Variants in CHORDC1 observed in about 807,000 individuals in gnomAD.
CHORDC1 encodes the protein cysteine and histidine rich domain containing 1, also known as cysteine and histidine-rich domain-containing protein 1.
CHORDC1 carries 25 observed loss-of-function variants against 48.3 expected under a neutral mutation model. The ratio of observed to expected loss-of-function variants is 0.52; its 90% CI spans 0.38 to 0.72. The LOEUF is 0.72. Among genes scored for constraint, CHORDC1 ranks in the 30% least tolerant of loss-of-function variants. The pLI, the probability that CHORDC1 is intolerant of heterozygous loss-of-function variation, is 0.00. For synonymous variants in CHORDC1, 128 were observed against 126.4 expected (o/e 1.01, Z -0.09); for missense variants, 317 against 388.7 (o/e 0.82, Z 1.55).
intron 3 of CHORDC1, among the ~76,000 whole-genome samples, chr11:90,214,641 T>G (rs1314352260): frequency 6.6e-6 from 1 of 152,056 alleles, no homozygotes; most frequent in Non-Finnish European, 1.5e-5. Context: ...CTGAGAGAGT[T>G]AAATAATAAA....
chr11:90,202,353 C>T lies in CHORDC1; in HGVS notation c.*52G>A, dbSNP rs2135023313. ...ATTACAGCAGCAAGCCACCACTTCA[C>T]ACAGTATTAAAAATTCGGAAATAAT... On this transcript the variant is annotated 3_prime_UTR_variant, in exon 11 of 11. Coordinates refer to ENST00000320585, the MANE Select transcript of CHORDC1 (RefSeq NM_012124.3). 1.9e-6 allele frequency: 3 copies of T among 1,538,622 alleles called. No individual in the cohort carries two copies. Among genetic ancestry groups the T allele is most frequent in the South Asian group, 1.1e-5 (1 of 88,044 alleles).
chr11:90,215,276 A>G, intron 2 of CHORDC1, 46 bp from the exon 3 acceptor site: 1 of 1,313,148 alleles, frequency 7.6e-7, no homozygotes, highest in Non-Finnish European at 1.1e-6. Flanking sequence ...TTTGCATGAG[A>G]AACACGACCC....
rs34095734 is a variant in CHORDC1 at position 90,200,646 on chromosome 11, ATG to A, written c.*1757_*1758del. Among the ~76,000 whole-genome samples the A allele has an allele frequency of 1.6e-4, 24 of 150,632 alleles. No homozygotes were observed. Among genetic ancestry groups the A allele is most frequent in the East Asian group, 1.2e-3 (6 of 5,126 alleles). ...GACTAAATATAAAAGCTACATATGT[ATG>A]TGTGTGTGTGTGTGTATAAATCAAT... On this transcript the variant is annotated 3_prime_UTR_variant, in exon 11 of 11. Transcript: ENST00000320585.
chr11:90,213,394 A>G (rs527685410), intron 4 of CHORDC1: 1 of 697,130 alleles, frequency 1.4e-6, no homozygotes, highest in East Asian at 2.7e-5. Flanking sequence ...AAAACAATTT[A>G]GTACTCAAGT....
chr11:90,209,502 A>G (rs1266360439), intron 6 of CHORDC1: 1 of 152,242 alleles, frequency 6.6e-6, no homozygotes, highest in Non-Finnish European at 1.5e-5. Flanking sequence ...AAGATACAAC[A>G]AAGAAAAAAA....
intron 4 of CHORDC1, 159 bp from the exon 5 acceptor site, chr11:90,211,477 A>C (rs1356538208): frequency 2.1e-5 from 12 of 560,816 alleles, no homozygotes. Context: ...TAATTGTTAC[A>C]ATGTATCTAC....
intron 2 of CHORDC1, among the ~76,000 whole-genome samples, chr11:90,216,752 A>G (rs987893382): frequency 6.6e-6 from 1 of 152,190 alleles, no homozygotes; most frequent in Non-Finnish European, 1.5e-5. Context: ...GAGGCAGACT[A>G]CTTTTGGAAT....
chr11:90,211,194 TA>T lies in CHORDC1; in HGVS notation c.433+20del. 6.8e-7 allele frequency: 1 copy of T among 1,460,580 alleles called. No individual in the cohort carries two copies. The highest frequency in any genetic ancestry group is 9.6e-7 in the Non-Finnish European group (1 of 1,046,424). 90.5% of individuals were successfully genotyped at this position (1,460,580 alleles called of 1,614,324 possible). ...AACTGTACCAGAAAATAATTAACAA[TA>T]AAACAAAATAAAATCTTACCTTTCT... On this transcript the variant is annotated intron_variant, in intron 5 of 10. Coordinates refer to ENST00000320585, the MANE Select transcript of CHORDC1 (RefSeq NM_012124.3).
intron 1 of CHORDC1, chr11:90,222,582 G>T (rs1304283364): frequency 1.2e-5 from 7 of 601,864 alleles, no homozygotes; most frequent in Non-Finnish European, 2.2e-5. Flanking sequence ...AAACGTGTTC[G>T]TTCTAAATTC....
In CHORDC1 at chr11:90,219,485, G is replaced by A. The variant is rs536046407; in HGVS notation, c.65-1301C>T. Among the ~76,000 whole-genome samples the A allele has an allele frequency of 1.8e-4, 28 of 152,220 alleles. 1 individual carries two copies. Among genetic ancestry groups the A allele is most frequent in the African/African-American group, 6.0e-4 (25 of 41,562 alleles). On this transcript the variant is annotated intron_variant, in intron 1 of 10. Coordinates refer to ENST00000320585, the MANE Select transcript of CHORDC1 (RefSeq NM_012124.3). ...ATCTCTGCAGCACTGTGACATGCTC[G>A]TGACGGCTTTGATGCCCAGGCTAGA...
intron 1 of CHORDC1, chr11:90,222,462 T>A: frequency 2.7e-6 from 1 of 365,550 alleles, no homozygotes; most frequent in South Asian, 2.0e-5. Context: ...CCCGGCCACC[T>A]CTCCCTCTCG....
In CHORDC1 at chr11:90,214,227, A is replaced by T. The variant is rs768609984; in HGVS notation, c.172-52T>A. 3 of 1,316,460 alleles carry T rather than the reference A, an allele frequency of 2.3e-6. No individual in the cohort carries two copies. In the East Asian group the frequency reaches 7.5e-5, roughly 33 times the overall value. The allele number at this position is 1,316,460 out of a possible 1,614,324, so 81.5% of individuals were successfully genotyped here. On this transcript the variant is annotated intron_variant, in intron 3 of 10. Transcript: ENST00000320585. ...AGCTATCTATTTTACATTTCATGAT[A>T]GAAATATTATCTTTTCAGTTCTTTA... is the stretch of plus-strand genomic sequence containing the variant.
intron 5 of CHORDC1, 50 bp downstream of exon 5, chr11:90,211,165 G>GCTTAA (rs1565170029): frequency 7.9e-7 from 1 of 1,267,866 alleles, no homozygotes; most frequent in Admixed American, 1.8e-5. Flanking sequence ...TTGGATAACT[G>GCTTAA]CTTAACTGTA....
At chr11:90,205,360 A>C in intron 8 of CHORDC1, 100 bp downstream of exon 8, 1 of 817,606 alleles carries the variant, frequency 1.2e-6, no homozygotes, top group Non-Finnish European at 2.0e-6. Flanking sequence ...CAAAAAAGAA[A>C]ACTTTTTTTT....
intron 4 of CHORDC1, chr11:90,213,334 C>CAAAAA: frequency 3.5e-6 from 2 of 574,648 alleles, no homozygotes; most frequent in Non-Finnish European, 6.2e-6. Context: ...TACTTGCAGC[C>CAAAAA]AAAAAAAAAA....
chr11:90,206,124 AAAC>A, intron 7 of CHORDC1, 75 bp downstream of exon 7: 1 of 900,656 alleles, frequency 1.1e-6, no homozygotes, highest in Non-Finnish European at 1.8e-6. Context: ...ACTGCATGGC[AAAC>A]AATGTTTAAA....
At chr11:90,213,785 G>A in intron 4 of CHORDC1, 1 of 470,120 alleles carries the variant, frequency 2.1e-6, no homozygotes, top group South Asian at 4.7e-5. Context: ...ACATGTCCCT[G>A]TAATTATGAC....
At chr11:90,203,275 G>T (rs1298776934) in intron 9 of CHORDC1, 33 bp downstream of exon 9, 2 of 1,535,230 alleles carry the variant, frequency 1.3e-6, no homozygotes, top group South Asian at 1.3e-5. Context: ...GTATAGAAAA[G>T]AACTTTTACC....
At chr11:90,221,294 T>G (rs1375708159) in intron 1 of CHORDC1, among the ~76,000 whole-genome samples, 1 of 152,208 alleles carries the variant, frequency 6.6e-6, no homozygotes, top group Non-Finnish European at 1.5e-5. Context: ...CTCCATTTTC[T>G]TCTCCTTCCA....
Sources: allele counts gnomAD v4.1 joint callset (sites outside exome capture counted in the v4.1 genomes callset), GRCh38; gene constraint gnomAD v4.1.1; transcripts MANE v1.5; gene names NCBI Gene and HGNC (gene_info 2026-07-23, HGNC 2026-07-21).